Variants in RFPL1 observed in about 807,000 individuals in gnomAD.
RFPL1 encodes the protein ret finger protein-like 1.
In RFPL1, 6 loss-of-function variants were observed where a neutral mutation model predicts 9.6. The observed-to-expected ratio is 0.62, with a 90% CI of 0.34 to 1.23. The LOEUF (loss-of-function observed/expected upper bound fraction) is 1.23, where lower values mean the gene tolerates loss of function less well. Among genes scored for constraint, RFPL1 ranks in the 50% most tolerant of loss-of-function variants. RFPL1 has a pLI of 0.03. For missense variants in RFPL1, 352 were observed against 398.4 expected (o/e 0.88, Z 0.99); for synonymous variants, 145 against 149.4 (o/e 0.97, Z 0.22).
At chr22:29,391,597 C>T in the RFPL1 span, among the ~76,000 whole-genome samples, 2 of 152,152 alleles carry the variant, frequency 1.3e-5, no homozygotes, top group African/African-American at 2.4e-5. Flanking sequence ...GGAGTCAGAG[C>T]TTTAAGATTT....
At chr22:29,396,311 G>C in the RFPL1 span, among the ~76,000 whole-genome samples, 3 of 152,148 alleles carry the variant, frequency 2.0e-5, no homozygotes, top group Non-Finnish European at 4.4e-5. Context: ...ATCACAGAAG[G>C]GCTTGAGGCT....
the RFPL1 span, among the ~76,000 whole-genome samples, chr22:29,410,248 A>G: frequency 7.3e-6 from 1 of 136,870 alleles, no homozygotes; most frequent in Non-Finnish European, 1.5e-5. Context: ...TATAGTAGAT[A>G]TATATTTGTA....
At chr22:29,432,166 C>T in the RFPL1 span, among the ~76,000 whole-genome samples, 1 of 152,192 alleles carries the variant, frequency 6.6e-6, no homozygotes, top group Non-Finnish European at 1.5e-5. Flanking sequence ...ACATTAAGGG[C>T]TCCTTACCCA....
intron 1 of RFPL1, chr22:29,440,857 G>A (rs1253460117): frequency 6.6e-6 from 1 of 152,370 alleles, no homozygotes; most frequent in East Asian, 1.9e-4. Context: ...TTACAGGTGT[G>A]AGCCACCGCG....
At chr22:29,420,707 C>A in the RFPL1 span, among the ~76,000 whole-genome samples, 1 of 136,770 alleles carries the variant, frequency 7.3e-6, no homozygotes, top group Non-Finnish European at 1.5e-5. Flanking sequence ...ACGGTGCGAT[C>A]TCGGCTCACC....
At chr22:29,391,524 A>T in the RFPL1 span, among the ~76,000 whole-genome samples, 10 of 152,292 alleles carry the variant, frequency 6.6e-5, no homozygotes, top group African/African-American at 2.4e-4. Flanking sequence ...TACAAAACAA[A>T]CCAACAAACC....
the RFPL1 span, among the ~76,000 whole-genome samples, chr22:29,391,322 A>G: frequency 6.6e-6 from 1 of 151,938 alleles, no homozygotes; most frequent in Non-Finnish European, 1.5e-5. Context: ...CCCTCTTGCT[A>G]TGTCCTCACA....
the RFPL1 span, among the ~76,000 whole-genome samples, chr22:29,390,681 C>T: frequency 1.3e-5 from 2 of 151,634 alleles, no homozygotes; most frequent in East Asian, 2.0e-4. Flanking sequence ...CTGCAAGCTC[C>T]GCCTCCCGGG....
upstream of RFPL1, chr22:29,437,086 C>CT (rs1569183023): frequency 6.6e-6 from 1 of 151,946 alleles, no homozygotes; most frequent in Non-Finnish European, 1.5e-5. Flanking sequence ...TAAATTGTGA[C>CT]TTTTATCTTA....
chr22:29,417,522 C>T, the RFPL1 span, among the ~76,000 whole-genome samples: 1 of 148,428 alleles, frequency 6.7e-6, no homozygotes, highest in Non-Finnish European at 1.5e-5. Context: ...GGGCTGGGCA[C>T]CACGAGGGCA....
the RFPL1 span, among the ~76,000 whole-genome samples, chr22:29,395,309 G>A: frequency 6.6e-6 from 1 of 152,046 alleles, no homozygotes; most frequent in Non-Finnish European, 1.5e-5. Context: ...GGTTTTTGTT[G>A]TTTTCATCCT....
At chr22:29,438,546 G>A (rs1229993622), upstream of RFPL1, 25 of 1,349,208 alleles carry the variant, frequency 1.9e-5, 1 homozygote, top group Non-Finnish European at 2.3e-5. Context: ...AGGAGGAGGT[G>A]AAATGACCCC....
At chr22:29,438,469 C>T (rs1249011179), upstream of RFPL1, 6 of 583,194 alleles carry the variant, frequency 1.0e-5, no homozygotes, top group East Asian at 3.4e-4. Context: ...AGGCCTGAGC[C>T]ACCACGCCCG....
upstream of RFPL1, chr22:29,435,087 C>G (rs1569182572): frequency 6.6e-6 from 1 of 152,146 alleles, no homozygotes. Context: ...GATAATGGAA[C>G]AAAGTTACAG....
the RFPL1 span, among the ~76,000 whole-genome samples, chr22:29,397,198 C>T: frequency 7.2e-5 from 11 of 152,142 alleles, no homozygotes; most frequent in South Asian, 6.2e-4. Flanking sequence ...CTTGAGCCAC[C>T]GCGCCCGGCC....
the RFPL1 span, among the ~76,000 whole-genome samples, chr22:29,425,549 C>G: frequency 6.6e-6 from 1 of 152,146 alleles, no homozygotes; most frequent in Non-Finnish European, 1.5e-5. Flanking sequence ...GAATTTCAAA[C>G]CATATTGAAT....
exon 2 of RFPL1, chr22:29,442,140 A>G (rs761772975): frequency 6.6e-7 from 1 of 1,507,070 alleles, no homozygotes; most frequent in Non-Finnish European, 8.9e-7. Context: ...CTGCAAAAAA[A>G]CAAAAAACAG....
At chr22:29,428,182 G>A in the RFPL1 span, among the ~76,000 whole-genome samples, 6 of 152,078 alleles carry the variant, frequency 3.9e-5, no homozygotes, top group African/African-American at 4.8e-5. Flanking sequence ...GTTGAAAAAC[G>A]AAAGGTTCAC....
chr22:29,392,545 A>G, the RFPL1 span, among the ~76,000 whole-genome samples: 2 of 151,930 alleles, frequency 1.3e-5, no homozygotes, highest in Non-Finnish European at 2.9e-5. Flanking sequence ...GCACACCACC[A>G]TGCCTGGTTA....
Sources: allele counts gnomAD v4.1 joint callset (sites outside exome capture counted in the v4.1 genomes callset), GRCh38; gene constraint gnomAD v4.1.1; transcripts MANE v1.5; gene names NCBI Gene and HGNC (gene_info 2026-07-23, HGNC 2026-07-21).